The following ITGA9 variants were observed in gnomAD, a reference collection of about 807,000 sequenced individuals.
ITGA9 encodes integrin alpha-9.
A neutral mutation model predicts 127.8 loss-of-function variants in ITGA9; 56 were observed. That is an observed-to-expected ratio of 0.44 (90% CI 0.35 to 0.55). The LOEUF (loss-of-function observed/expected upper bound fraction) is 0.55. Ranked by LOEUF, ITGA9 falls within the 20% of genes least tolerant of loss-of-function variation. The probability of loss-of-function intolerance (pLI) is 0.00; values close to 1 mark genes in which losing one functional copy is unlikely to be tolerated. For missense variants in ITGA9, 1,196 were observed against 1,347.1 expected, an observed-to-expected ratio of 0.89 and a Z score of 1.76; for synonymous variants, 508 against 514.5, an observed-to-expected ratio of 0.99 and a Z score of 0.17.
chr3:37,704,990 T>C (rs1700988520), intron 18 of ITGA9, among the ~76,000 whole-genome samples: 1 of 152,216 alleles, frequency 6.6e-6, no homozygotes, highest in African/African-American at 2.4e-5. Context: ...AACTAGGCAT[T>C]GCAAAGATAA....
chr3:37,727,381 G>T (rs987161676), intron 18 of ITGA9, among the ~76,000 whole-genome samples: 6 of 152,162 alleles, frequency 3.9e-5, no homozygotes, highest in Non-Finnish European at 5.9e-5. Context: ...TGGGGAAAAG[G>T]CCAGTTATGT....
intron 1 of ITGA9, among the ~76,000 whole-genome samples, chr3:37,461,298 C>T (rs1698314051): frequency 1.3e-5 from 2 of 152,230 alleles, no homozygotes; most frequent in African/African-American, 2.4e-5. Flanking sequence ...GCCCTGCCCT[C>T]AGCCTGCCTT....
chr3:37,769,422 G>A (rs1304910986), intron 23 of ITGA9, among the ~76,000 whole-genome samples: 2 of 151,270 alleles, frequency 1.3e-5, no homozygotes, highest in Non-Finnish European at 2.9e-5. Context: ...TAATCCACAT[G>A]ATCTAAATCA....
At chr3:37,788,873 A>C (rs754725036) in intron 26 of ITGA9, among the ~76,000 whole-genome samples, 21 of 152,212 alleles carry the variant, frequency 1.4e-4, no homozygotes, top group Non-Finnish European at 2.6e-4. Context: ...CTTTTTGGAA[A>C]GTTTCTACTG....
chr3:37,512,573 G>A (rs1698944059), intron 8 of ITGA9, among the ~76,000 whole-genome samples: 1 of 152,086 alleles, frequency 6.6e-6, no homozygotes, highest in African/African-American at 2.4e-5. Flanking sequence ...AAAGAATACA[G>A]CCTACAAATA....
At chr3:37,576,724 C>G (rs1699657574) in intron 15 of ITGA9, among the ~76,000 whole-genome samples, 1 of 152,228 alleles carries the variant, frequency 6.6e-6, no homozygotes, top group Admixed American at 6.5e-5. Flanking sequence ...CTCCCTCAGC[C>G]TCCCGAGTAC....
At chr3:37,708,290 G>C (rs1248546900) in intron 18 of ITGA9, among the ~76,000 whole-genome samples, 1 of 152,160 alleles carries the variant, frequency 6.6e-6, no homozygotes, top group South Asian at 2.1e-4. Flanking sequence ...AAGTTCCAAG[G>C]CTTTTTGAAA....
At chr3:37,606,610 C>T (rs1699970892) in intron 15 of ITGA9, among the ~76,000 whole-genome samples, 1 of 152,144 alleles carries the variant, frequency 6.6e-6, no homozygotes, top group African/African-American at 2.4e-5. Context: ...TGAGGGAATG[C>T]TGTGGTGCAT....
intron 15 of ITGA9, among the ~76,000 whole-genome samples, chr3:37,566,183 A>T (rs571085484): frequency 2.8e-4 from 42 of 152,250 alleles, no homozygotes; most frequent in Non-Finnish European, 4.7e-4. Context: ...AATACATTCT[A>T]AGACCCCTAG....
rs191328280 is a variant in ITGA9 at position 37,774,201 on chromosome 3, G to A, written c.2542-3191G>A. Among the ~76,000 whole-genome samples, 435 of 152,260 alleles carry A rather than the reference G, an allele frequency of 2.9e-3. 3 individuals are homozygous for A. Among genetic ancestry groups the A allele is most frequent in the Non-Finnish European group, 4.6e-3 (314 of 68,022 alleles). On this transcript the variant is annotated intron_variant, in intron 23 of 27. Coordinates refer to ENST00000264741, the MANE Select transcript of ITGA9 (RefSeq NM_002207.3). ...GCTGCTCCCCACATCAACAGCTTAC[G>A]TATTGCTTTCTAAAATGGGCTTTCA...
intron 6 of ITGA9, among the ~76,000 whole-genome samples, chr3:37,504,464 A>G (rs1009398884): frequency 6.6e-6 from 1 of 152,150 alleles, no homozygotes; most frequent in Admixed American, 6.5e-5. Context: ...TGCGTCTGAG[A>G]GAGCACCTAT....
chr3:37,774,782 A>G (rs1696887029), intron 23 of ITGA9, among the ~76,000 whole-genome samples: 1 of 152,172 alleles, frequency 6.6e-6, no homozygotes, highest in Admixed American at 6.5e-5. Context: ...TTTAAAGGAC[A>G]GTAAGTCCCA....
chr3:37,709,167 A>G (rs1335900987), intron 18 of ITGA9, among the ~76,000 whole-genome samples: 1 of 152,222 alleles, frequency 6.6e-6, no homozygotes, highest in Non-Finnish European at 1.5e-5. Flanking sequence ...TTAGACATTC[A>G]TGTAAAGCAC....
chr3:37,634,094 CAAAAAT>C (rs1700254726), intron 16 of ITGA9, among the ~76,000 whole-genome samples: 3 of 151,456 alleles, frequency 2.0e-5, no homozygotes. Context: ...TATAGTAATA[CAAAAAT>C]AAAAATAAAA....
intron 3 of ITGA9, among the ~76,000 whole-genome samples, chr3:37,475,731 AAC>A (rs1270556628): frequency 2.0e-5 from 3 of 152,364 alleles, no homozygotes; most frequent in African/African-American, 4.8e-5. Flanking sequence ...ATTGTGGCCA[AAC>A]ACATGACATA....
chr3:37,530,854 T>A (rs1274799055), intron 13 of ITGA9, among the ~76,000 whole-genome samples: 1 of 149,174 alleles, frequency 6.7e-6, no homozygotes, highest in Non-Finnish European at 1.5e-5. Context: ...CGGGTTCACG[T>A]CATTCTTCTG....
At chr3:37,643,448 A>G (rs945046185) in intron 16 of ITGA9, among the ~76,000 whole-genome samples, 4 of 152,232 alleles carry the variant, frequency 2.6e-5, no homozygotes, top group African/African-American at 7.2e-5. Context: ...AGGTTAGACC[A>G]TGTCCTGAAG....
At chr3:37,667,835 G>A (rs1238268050) in intron 17 of ITGA9, among the ~76,000 whole-genome samples, 1 of 152,206 alleles carries the variant, frequency 6.6e-6, no homozygotes, top group Non-Finnish European at 1.5e-5. Context: ...CACCTGGTGG[G>A]AGGCTCCAAA....
intron 26 of ITGA9, 112 bp downstream of exon 26, chr3:37,785,190 G>C (rs1445855875): frequency 8.6e-6 from 7 of 812,472 alleles, no homozygotes; most frequent in Non-Finnish European, 1.5e-5. Context: ...CAAGATGTTG[G>C]GTTTGTGGCA....
Sources: allele counts gnomAD v4.1 joint callset (sites outside exome capture counted in the v4.1 genomes callset), GRCh38; gene constraint gnomAD v4.1.1; transcripts MANE v1.5; gene names NCBI Gene and HGNC (gene_info 2026-07-23, HGNC 2026-07-21).